Variants in NAV1 observed in about 807,000 individuals in gnomAD.
NAV1 encodes neuron navigator 1.
Under a neutral mutation model 175.2 loss-of-function variants are expected in NAV1, and 18 were observed. The ratio of observed to expected loss-of-function variants is 0.10; its 90% confidence interval spans 0.07 to 0.15. NAV1 has a LOEUF of 0.15. Ranked by LOEUF, NAV1 falls within the 10% of genes least tolerant of loss-of-function variation. The pLI is 1.00. For synonymous variants in NAV1, 897 were observed against 978.7 expected (o/e 0.92, Z 1.56); for missense variants, 1,731 against 2,436.6 (o/e 0.71, Z 6.10).
At chr1:201,692,776 GA>G (rs886976923) in intron 1 of NAV1, among the ~76,000 whole-genome samples, 2 of 152,268 alleles carry the variant, frequency 1.3e-5, no homozygotes, top group African/African-American at 4.8e-5. Context: ...AGAGAAGAAT[GA>G]AAAGCATGGC....
intron 3 of NAV1, among the ~76,000 whole-genome samples, chr1:201,771,081 A>T (rs1289767292): frequency 3.3e-5 from 5 of 151,972 alleles, no homozygotes; most frequent in Non-Finnish European, 7.4e-5. Context: ...GCATAGAGAG[A>T]TCTCTGGGGA....
intron 2 of NAV1, among the ~76,000 whole-genome samples, chr1:201,642,894 C>T (rs1369531407): frequency 1.3e-5 from 2 of 151,900 alleles, no homozygotes; most frequent in African/African-American, 2.4e-5. Context: ...CTCAGCCTCC[C>T]AAGTAGCTGG....
intron 22 of NAV1, among the ~76,000 whole-genome samples, 199 bp from the exon 27 acceptor site, chr1:201,809,747 C>T (rs967131793): frequency 6.6e-6 from 1 of 152,144 alleles, no homozygotes; most frequent in Non-Finnish European, 1.5e-5. Context: ...CCATGCATGG[C>T]TTCTCACAGG....
chr1:201,703,177 G>GT (rs1376897813), intron 1 of NAV1, among the ~76,000 whole-genome samples: 8 of 152,158 alleles, frequency 5.3e-5, no homozygotes, highest in African/African-American at 1.9e-4. Context: ...TTGGAGCAGG[G>GT]TGTCACATGA....
At position 201,813,448 on chromosome 1, in the gene NAV1, G is replaced by A. The variant is rs1678817963; in HGVS notation, c.5340+190G>A. Among the ~76,000 whole-genome samples, 1 of 152,174 alleles carries A rather than the reference G, an allele frequency of 6.6e-6. No homozygotes were observed. On this transcript the variant is annotated intron_variant, in intron 28 of 29. Transcript: ENST00000367296. The surrounding 1 kb of genome is among the most constrained non-coding windows in gnomAD (Gnocchi z 4.2). ...GCTGCCATTCAGCAAATGGTACAAT[G>A]ACCACTGCCTCTGGGGCCATCTCTC...
At chr1:201,580,850 G>C (rs1666835802) in intron 1 of NAV1, among the ~76,000 whole-genome samples, 1 of 152,176 alleles carries the variant, frequency 6.6e-6, no homozygotes, top group Non-Finnish European at 1.5e-5. Flanking sequence ...GGATGGGGTT[G>C]GGGGAAGAAT....
At chr1:201,687,577 A>G (rs1670733724) in intron 1 of NAV1, among the ~76,000 whole-genome samples, 2 of 152,340 alleles carry the variant, frequency 1.3e-5, no homozygotes, top group Admixed American at 6.5e-5. Flanking sequence ...TAGAATATAC[A>G]TAATTATCTC....
In NAV1 at chr1:201,807,034, CTG is replaced by C. The variant is rs71713615; in HGVS notation, c.3649-905_3649-904del. Among the ~76,000 whole-genome samples, 9 of 150,760 alleles carry C rather than the reference CTG, an allele frequency of 6.0e-5. No homozygotes were observed. Among genetic ancestry groups the C allele is most frequent in the Non-Finnish European group, 1.0e-4 (7 of 67,636 alleles). On this transcript the variant is annotated intron_variant, in intron 17 of 29. Transcript: ENST00000367296. The surrounding 1 kb of genome is among the most constrained non-coding windows in gnomAD (Gnocchi z 5.4). The stretch of plus-strand genomic sequence containing the variant: ...TTGCTGCCATTTCATATCTGTGTCC[CTG>C]TGTGTGTGTGTGTATGTGTGTGTGT...
In NAV1 at chr1:201,642,997, ATCTCCTGAC is replaced by A. The variant is rs541422845; in HGVS notation, c.5-5636_5-5628del. The stretch of plus-strand genomic sequence containing the variant: ...CACCGTGTTAGCCAGGATGGTCTCA[ATCTCCTGAC>A]CTCGTGATCCGTCCGCCTTGGCCTC... On this transcript the variant is annotated intron_variant, in intron 2 of 29. Coordinates refer to the NAV1 transcript ENST00000367302. 3.6e-3 allele frequency among the ~76,000 whole-genome samples: 541 copies of A among 151,792 alleles called. 2 individuals are homozygous for A. Among genetic ancestry groups the A allele is most frequent in the African/African-American group, 0.012 (492 of 41,406 alleles).
chr1:201,607,861 A>G (rs1223442220), intron 2 of NAV1, among the ~76,000 whole-genome samples: 1 of 139,046 alleles, frequency 7.2e-6, no homozygotes, highest in Non-Finnish European at 1.5e-5. Context: ...TAGTATAATG[A>G]TAACTTTATT....
chr1:201,804,861 A>G (rs1348532853), intron 17 of NAV1, among the ~76,000 whole-genome samples: 1 of 152,218 alleles, frequency 6.6e-6, no homozygotes, highest in Non-Finnish European at 1.5e-5. Flanking sequence ...CATAATACCT[A>G]GAGACCCAAC....
intron 2 of NAV1, among the ~76,000 whole-genome samples, chr1:201,635,281 G>A (rs1403400195): frequency 5.3e-5 from 8 of 151,626 alleles, no homozygotes; most frequent in Non-Finnish European, 1.0e-4. Context: ...TCCTGACCTC[G>A]CGATCTGCCC....
chr1:201,789,509 G>A (rs1340036018), intron 10 of NAV1, among the ~76,000 whole-genome samples: 1 of 152,094 alleles, frequency 6.6e-6, no homozygotes, highest in Non-Finnish European at 1.5e-5. Context: ...GCTAAGCAAG[G>A]GACTGCCATA....
At chr1:201,786,373 A>G (rs1337010317) in intron 8 of NAV1, 56 bp from the exon 13 acceptor site, 12 of 1,560,820 alleles carry the variant, frequency 7.7e-6, no homozygotes, top group Admixed American at 5.3e-5. Flanking sequence ...CGCACCAACT[A>G]AACCTCTGAC....
Position 201,810,146 on chromosome 1 carries a change from G to A in NAV1, c.4561+41G>A, listed in dbSNP as rs1383104164. Reference sequence around the variant, plus strand: ...TTGGGGTGAGGTGGTGTGGCATGAAGGCAGGGACAGGATCATCAAATAATC... The same window carrying A: ...TTGGGGTGAGGTGGTGTGGCATGAAAGCAGGGACAGGATCATCAAATAATC... On this transcript the variant is annotated intron_variant, in intron 23 of 29. Coordinates refer to ENST00000367296, the Ensembl canonical transcript of NAV1. This position sits in a 1 kb window ranked among gnomAD's most constrained non-coding sequence, Gnocchi z 6.0. The A allele has an allele frequency of 2.5e-6, 4 of 1,605,494 alleles. No individual in the cohort carries two copies. Among genetic ancestry groups the A allele is most frequent in the Non-Finnish European group, 3.4e-6 (4 of 1,174,404 alleles).
At position 201,708,438 on chromosome 1, in the gene NAV1, G is replaced by A. The variant is rs191157873; in HGVS notation, c.758-4379G>A. ...CCTTCCCCCCTCAAACCCTACTTGC[G>A]CGCACACACACACACACACACACAC... On this transcript the variant is annotated intron_variant, in intron 1 of 29. Transcript: ENST00000367296. 1.9e-3 allele frequency among the ~76,000 whole-genome samples: 222 copies of A among 113,962 alleles called. 1 individual carries two copies. Among genetic ancestry groups the A allele is most frequent in the African/African-American group, 7.0e-3 (212 of 30,148 alleles). The allele number at this position is 113,962 out of a possible 152,430, so 74.8% of individuals were successfully genotyped here. A position where few individuals can be genotyped will look rare whatever the true frequency, so the allele number is the denominator to read the frequency against.
intron 1 of NAV1, among the ~76,000 whole-genome samples, chr1:201,662,522 G>T (rs1013915658): frequency 6.6e-6 from 1 of 152,194 alleles, no homozygotes; most frequent in Non-Finnish European, 1.5e-5. Flanking sequence ...GGAGTCATGC[G>T]TGTGAGGGTT....
chr1:201,707,268 G>C (rs1203236985), intron 1 of NAV1, among the ~76,000 whole-genome samples: 1 of 152,184 alleles, frequency 6.6e-6, no homozygotes, highest in Non-Finnish European at 1.5e-5. Context: ...CAAGGGGCCA[G>C]CCTCAGTGCC....
chr1:201,585,364 A>G (rs1249802729), intron 1 of NAV1, among the ~76,000 whole-genome samples: 1 of 152,184 alleles, frequency 6.6e-6, no homozygotes, highest in Admixed American at 6.5e-5. Flanking sequence ...GAAATGCAGT[A>G]AGATCATCTG....
Sources: gnomAD v4.1 joint callset for allele counts (sites outside exome capture counted in the v4.1 genomes callset) on GRCh38, gnomAD v4.1.1 for gene constraint, Gnocchi (gnomAD v3.1) non-coding constraint, MANE v1.5 for transcripts, NCBI Gene and HGNC (gene_info 2026-07-23, HGNC 2026-07-21) for gene names.